The following HS6ST3 variants were observed in gnomAD, a reference collection of about 807,000 sequenced individuals.
HS6ST3 encodes the protein heparan-sulfate 6-O-sulfotransferase 3.
Under a neutral mutation model 36.7 loss-of-function variants are expected in HS6ST3, and 12 were observed. The ratio of observed to expected loss-of-function variants is 0.33; its 90% CI spans 0.21 to 0.53. The LOEUF (loss-of-function observed/expected upper bound fraction) is 0.53. HS6ST3 is among the 20% of genes least tolerant of loss of function. The pLI is 0.95. For synonymous variants in HS6ST3, 240 were observed against 257.5 expected (o/e 0.93, Z 0.65); for missense variants, 584 against 640.9 (o/e 0.91, Z 0.96).
At chr13:96,105,486 A>G (rs1304449906) in intron 1 of HS6ST3, among the ~76,000 whole-genome samples, 2 of 152,046 alleles carry the variant, frequency 1.3e-5, no homozygotes, top group African/African-American at 2.4e-5. Flanking sequence ...ACCTGTCTCT[A>G]CTAAAAATAC....
At chr13:96,424,669 G>T (rs887829837) in intron 1 of HS6ST3, among the ~76,000 whole-genome samples, 3 of 152,072 alleles carry the variant, frequency 2.0e-5, no homozygotes, top group Admixed American at 2.0e-4. Flanking sequence ...AAGGGGTGAG[G>T]GAGTTTTCTC....
intron 1 of HS6ST3, among the ~76,000 whole-genome samples, chr13:96,816,812 G>A (rs1448517950): frequency 2.0e-5 from 3 of 152,178 alleles, no homozygotes; most frequent in Non-Finnish European, 4.4e-5. Context: ...TTTGTGCAAA[G>A]ATTATTTGGG....
At chr13:96,279,561 C>T (rs2054764979) in intron 1 of HS6ST3, among the ~76,000 whole-genome samples, 1 of 152,138 alleles carries the variant, frequency 6.6e-6, no homozygotes, top group Non-Finnish European at 1.5e-5. Flanking sequence ...AGAAAGAAAA[C>T]TGCCAAATTA....
chr13:96,672,933 G>A (rs1205249532), intron 1 of HS6ST3, among the ~76,000 whole-genome samples: 1 of 152,088 alleles, frequency 6.6e-6, no homozygotes, highest in African/African-American at 2.4e-5. Context: ...GACAACACTG[G>A]GTGGTTTAAA....
chr13:96,767,112 A>T (rs1433755851), intron 1 of HS6ST3, among the ~76,000 whole-genome samples: 1 of 152,236 alleles, frequency 6.6e-6, no homozygotes, highest in African/African-American at 2.4e-5. Flanking sequence ...TCGTGCCTGG[A>T]ATCCCAGCTC....
At chr13:96,170,905 A>C (rs1011498966) in intron 1 of HS6ST3, among the ~76,000 whole-genome samples, 1 of 152,260 alleles carries the variant, frequency 6.6e-6, no homozygotes, top group Non-Finnish European at 1.5e-5. Flanking sequence ...CAAGGGGTTT[A>C]TATTATTTAA....
intron 1 of HS6ST3, among the ~76,000 whole-genome samples, chr13:96,203,541 T>C (rs1269990664): frequency 6.6e-6 from 1 of 152,216 alleles, no homozygotes; most frequent in African/African-American, 2.4e-5. Flanking sequence ...TATCCTAAAC[T>C]AGTGTTAATC....
intron 1 of HS6ST3, among the ~76,000 whole-genome samples, chr13:96,158,839 G>C (rs577545965): frequency 6.6e-6 from 1 of 151,940 alleles, no homozygotes; most frequent in Non-Finnish European, 1.5e-5. Flanking sequence ...CCAGGAACCA[G>C]GAGGTCACTG....
chr13:96,681,623 A>G (rs2056718632), intron 1 of HS6ST3, among the ~76,000 whole-genome samples: 1 of 152,192 alleles, frequency 6.6e-6, no homozygotes, highest in Non-Finnish European at 1.5e-5. Context: ...TTATTTCTTC[A>G]GAGGAAATCT....
At chr13:96,247,682 C>G (rs2054590797) in intron 1 of HS6ST3, among the ~76,000 whole-genome samples, 1 of 152,064 alleles carries the variant, frequency 6.6e-6, no homozygotes, top group Non-Finnish European at 1.5e-5. Context: ...CTTCCTTTCT[C>G]TCTCTCTGGC....
At chr13:96,652,055 A>G (rs530574288) in intron 1 of HS6ST3, among the ~76,000 whole-genome samples, 1 of 152,164 alleles carries the variant, frequency 6.6e-6, no homozygotes, top group African/African-American at 2.4e-5. Flanking sequence ...ATATACATAT[A>G]CTTGTATTAA....
At chr13:96,459,971 G>T (rs2055775860) in intron 1 of HS6ST3, among the ~76,000 whole-genome samples, 1 of 152,174 alleles carries the variant, frequency 6.6e-6, no homozygotes, top group South Asian at 2.1e-4. Flanking sequence ...GATTCTTCTT[G>T]TGAGTGTAAT....
chr13:96,384,646 C>T (rs1294201028), intron 1 of HS6ST3, among the ~76,000 whole-genome samples: 1 of 152,130 alleles, frequency 6.6e-6, no homozygotes, highest in African/African-American at 2.4e-5. Context: ...GCTAACTCAA[C>T]AGGGTTCAGT....
intron 1 of HS6ST3, among the ~76,000 whole-genome samples, chr13:96,781,372 G>A (rs558832945): frequency 3.3e-5 from 5 of 152,208 alleles, no homozygotes; most frequent in Non-Finnish European, 2.9e-5. Flanking sequence ...CCTTTGGCCA[G>A]ATGCCCTTGT....
chr13:96,485,864 A>G (rs2055911494), intron 1 of HS6ST3, among the ~76,000 whole-genome samples: 2 of 151,726 alleles, frequency 1.3e-5, no homozygotes, highest in African/African-American at 2.4e-5. Context: ...AAATATATCA[A>G]TTTCTTTTTT....
At chr13:96,541,333 A>G (rs960755002) in intron 1 of HS6ST3, among the ~76,000 whole-genome samples, 3 of 152,126 alleles carry the variant, frequency 2.0e-5, no homozygotes, top group Non-Finnish European at 4.4e-5. Flanking sequence ...CACTGTGCCC[A>G]GCCCCATTTA....
chr13:96,290,171 T>G (rs892859297), intron 1 of HS6ST3, among the ~76,000 whole-genome samples: 8 of 152,046 alleles, frequency 5.3e-5, no homozygotes, highest in African/African-American at 1.9e-4. Flanking sequence ...TGATGCCAGT[T>G]CCCATGTTCC....
chr13:96,802,470 A>G (rs1022018935), intron 1 of HS6ST3, among the ~76,000 whole-genome samples: 1 of 152,008 alleles, frequency 6.6e-6, no homozygotes, highest in Admixed American at 6.6e-5. Flanking sequence ...CTTCATACAT[A>G]CTCTTTTTCC....
intron 1 of HS6ST3, among the ~76,000 whole-genome samples, chr13:96,300,723 A>C (rs1441919060): frequency 6.6e-6 from 1 of 152,190 alleles, no homozygotes; most frequent in Non-Finnish European, 1.5e-5. Flanking sequence ...TTTATATTAA[A>C]AATATATAGC....
Sources: allele counts gnomAD v4.1 joint callset (sites outside exome capture counted in the v4.1 genomes callset), GRCh38; gene constraint gnomAD v4.1.1; transcripts MANE v1.5; gene names NCBI Gene and HGNC (gene_info 2026-07-23, HGNC 2026-07-21).